C4orf50: variants seen among roughly 807,000 people sequenced by gnomAD.
The protein encoded by C4orf50 is chromosome 4 open reading frame 50.
In C4orf50, 80 loss-of-function variants were observed where a neutral mutation model predicts 77.2. That is an observed-to-expected ratio of 1.04 (90% confidence interval 0.87 to 1.25). The LOEUF is 1.25. Among genes scored for constraint, C4orf50 ranks in the 50% most tolerant of loss-of-function variants. The pLI is 0.00. For missense variants in C4orf50, 1,257 were observed against 1,152.9 expected (o/e 1.09, Z -1.31); for synonymous variants, 532 against 465.3 (o/e 1.14, Z -1.84).
chr4:5,966,407 G>A (rs1307493238), intron 32 of C4orf50, among the ~76,000 whole-genome samples: 2 of 150,868 alleles, frequency 1.3e-5, no homozygotes, highest in Non-Finnish European at 3.0e-5. Flanking sequence ...CTGAGGAGAC[G>A]GAGGTTGCAG....
intron 31 of C4orf50, among the ~76,000 whole-genome samples, chr4:5,972,402 C>G (rs992282644): frequency 6.6e-6 from 1 of 152,172 alleles, no homozygotes; most frequent in Admixed American, 6.5e-5. Context: ...TCTTTTCTCA[C>G]CCTTATTCTA....
chr4:5,899,524 G>C (rs1716257666), intron 7 of C4orf50: 1 of 152,238 alleles, frequency 6.6e-6, no homozygotes, highest in African/African-American at 2.4e-5. Context: ...TCTGAGGGTA[G>C]AGTTACAAAG....
chr4:5,964,189 A>C (rs1325585808), intron 33 of C4orf50, among the ~76,000 whole-genome samples: 2 of 152,152 alleles, frequency 1.3e-5, no homozygotes, highest in South Asian at 4.1e-4. Context: ...TGCAGGAAGG[A>C]GCCAGCTGAG....
At chr4:5,933,748 C>T (rs1437670676) in intron 7 of C4orf50, among the ~76,000 whole-genome samples, 1 of 149,980 alleles carries the variant, frequency 6.7e-6, no homozygotes, top group Non-Finnish European at 1.5e-5. Context: ...TCCCCTCTGG[C>T]CCAGACCCCC....
At chr4:5,906,734 A>G (rs1263539056) in intron 7 of C4orf50, among the ~76,000 whole-genome samples, 1 of 152,222 alleles carries the variant, frequency 6.6e-6, no homozygotes, top group Non-Finnish European at 1.5e-5. Context: ...TGAGGAAGCC[A>G]ACCTACTCAG....
chr4:6,001,936 G>A (rs1441223838), intron 25 of C4orf50, among the ~76,000 whole-genome samples: 2 of 152,232 alleles, frequency 1.3e-5, no homozygotes, highest in African/African-American at 4.8e-5. Context: ...GAGGGCCCTG[G>A]GAGGACAAAA....
chr4:5,917,406 C>CTTT lies in C4orf50; in HGVS notation c.*2475-19221_*2475-19219dup, dbSNP rs34928524. Among the ~76,000 whole-genome samples, 111 of 86,416 alleles carry CTTT rather than the reference C, an allele frequency of 1.3e-3. 3 individuals carry two copies. Among genetic ancestry groups the CTTT allele is most frequent in the African/African-American group, 1.8e-3 (52 of 28,918 alleles). The allele number at this position is 86,416 out of a possible 152,430, so 56.7% of individuals were successfully genotyped here. ...GTCGTAGGTTTCAATTCCTGTATTTCTTTTTTTTTTTTTTTTTTTTTTTTT... is the reference window on the plus strand; with the variant it reads ...GTCGTAGGTTTCAATTCCTGTATTTCTTTTTTTTTTTTTTTTTTTTTTTTTTTT... On this transcript the variant is annotated intron_variant, in intron 7 of 7. Transcript: ENST00000324058.
At chr4:5,936,334 G>A (rs1718012337) in intron 7 of C4orf50, among the ~76,000 whole-genome samples, 1 of 152,122 alleles carries the variant, frequency 6.6e-6, no homozygotes, top group East Asian at 1.9e-4. Context: ...GGCCGAGGCG[G>A]GTGGATCACC....
exon 28 of C4orf50, chr4:5,989,821 C>A: frequency 6.7e-7 from 1 of 1,483,706 alleles, no homozygotes; most frequent in Non-Finnish European, 8.9e-7. Context: ...GGCACCCCTG[C>A]ACCCCAGACC....
chr4:5,985,330 T>C (rs1372787836), intron 28 of C4orf50, among the ~76,000 whole-genome samples: 1 of 151,990 alleles, frequency 6.6e-6, no homozygotes, highest in East Asian at 1.9e-4. Flanking sequence ...GAAAAATATA[T>C]GATTGTTTAA....
At chr4:6,003,017 C>A (rs1317456603) in intron 25 of C4orf50, among the ~76,000 whole-genome samples, 1 of 152,200 alleles carries the variant, frequency 6.6e-6, no homozygotes, top group Non-Finnish European at 1.5e-5. Context: ...CATCCCAGGT[C>A]TTCTGCCAGA....
At chr4:5,957,993 G>C (rs1275908714) in exon 34 of C4orf50, 1 of 152,204 alleles carries the variant, frequency 6.6e-6, no homozygotes, top group African/African-American at 2.4e-5. Context: ...TATACACTTT[G>C]ACACTTCCTG....
At chr4:5,971,751 C>A (rs759969439) in intron 31 of C4orf50, among the ~76,000 whole-genome samples, 2 of 152,146 alleles carry the variant, frequency 1.3e-5, no homozygotes, top group Non-Finnish European at 2.9e-5. Flanking sequence ...TGTAATAGTT[C>A]TCTTTCTCAT....
intron 7 of C4orf50, among the ~76,000 whole-genome samples, chr4:5,939,963 C>G (rs1251883750): frequency 6.6e-6 from 1 of 152,204 alleles, no homozygotes; most frequent in African/African-American, 2.4e-5. Context: ...TGATGTCAGA[C>G]GGCTGAAAAC....
intron 7 of C4orf50, among the ~76,000 whole-genome samples, chr4:5,945,259 G>T (rs553419847): frequency 6.6e-6 from 1 of 152,082 alleles, no homozygotes; most frequent in Non-Finnish European, 1.5e-5. Context: ...GCCTGGCACC[G>T]GCATGACATC....
At chr4:5,918,702 G>C (rs1431744887) in intron 7 of C4orf50, among the ~76,000 whole-genome samples, 1 of 152,210 alleles carries the variant, frequency 6.6e-6, no homozygotes, top group South Asian at 2.1e-4. Flanking sequence ...GGCATACTAA[G>C]GAAAATGATG....
At chr4:5,959,286 T>G in exon 34 of C4orf50, 3 of 1,439,014 alleles carry the variant, frequency 2.1e-6, no homozygotes, top group Non-Finnish European at 2.8e-6. Context: ...GGGCTCTGAT[T>G]GCTACCAATT....
chr4:5,983,467 C>T (rs1332441692), intron 28 of C4orf50, among the ~76,000 whole-genome samples: 2 of 152,202 alleles, frequency 1.3e-5, no homozygotes, highest in Non-Finnish European at 2.9e-5. Context: ...TTTCCCTCTA[C>T]CTGGAATGCT....
At chr4:5,972,990 GGA>G (rs1397874322) in intron 31 of C4orf50, among the ~76,000 whole-genome samples, 3 of 152,236 alleles carry the variant, frequency 2.0e-5, no homozygotes, top group Non-Finnish European at 4.4e-5. Flanking sequence ...CACTGGGAGA[GGA>G]GATTCTCATT....
Sources: allele counts gnomAD v4.1 joint callset (sites outside exome capture counted in the v4.1 genomes callset), GRCh38; gene constraint gnomAD v4.1.1; transcripts MANE v1.5; gene names NCBI Gene and HGNC (gene_info 2026-07-23, HGNC 2026-07-21).